Variants in NRXN3 observed in about 807,000 individuals in gnomAD.
NRXN3 encodes the protein neurexin III.
A neutral mutation model predicts 137.6 loss-of-function variants in NRXN3; 32 were observed. That is an observed-to-expected ratio of 0.23 (90% CI 0.18 to 0.31). NRXN3 has a LOEUF of 0.31. NRXN3 is among the 10% of genes least tolerant of loss of function. The pLI is 1.00. For missense variants in NRXN3, 1,574 were observed against 2,062.5 expected (o/e 0.76, Z 4.59); for synonymous variants, 798 against 784.5 (o/e 1.02, Z -0.29).
At chr14:79,118,271 CA>C (rs559724826) in intron 15 of NRXN3, among the ~76,000 whole-genome samples, 271 of 152,154 alleles carry the variant, frequency 1.8e-3, no homozygotes, top group Non-Finnish European at 2.6e-3. Flanking sequence ...AGTTTGCTCA[CA>C]AAAGCTTCAG....
At chr14:79,782,953 A>T (rs2099118472) in intron 19 of NRXN3, among the ~76,000 whole-genome samples, 1 of 152,184 alleles carries the variant, frequency 6.6e-6, no homozygotes, top group Non-Finnish European at 1.5e-5. Context: ...TGTCCCCCTT[A>T]AATCTCTATG....
chr14:78,668,527 A>T (rs1327528521), intron 6 of NRXN3, among the ~76,000 whole-genome samples: 1 of 152,128 alleles, frequency 6.6e-6, no homozygotes, highest in East Asian at 1.9e-4. Flanking sequence ...GGAGGGGAGT[A>T]AAGGGATATT....
At chr14:78,421,541 C>T (rs370938446) in intron 4 of NRXN3, among the ~76,000 whole-genome samples, 1 of 152,002 alleles carries the variant, frequency 6.6e-6, no homozygotes, top group East Asian at 1.9e-4. Context: ...AAAATGGAGA[C>T]TATTTCTTTC....
At chr14:79,267,299 C>T (rs114108261) in intron 15 of NRXN3, among the ~76,000 whole-genome samples, 1,892 of 151,660 alleles carry the variant, frequency 0.012, 12 homozygotes, top group African/African-American at 0.022. Flanking sequence ...TTTCTAAACA[C>T]GCATAAATTT....
intron 16 of NRXN3, among the ~76,000 whole-genome samples, chr14:79,557,346 C>T (rs2097440602): frequency 6.6e-6 from 1 of 152,044 alleles, no homozygotes; most frequent in Admixed American, 6.6e-5. Flanking sequence ...AGTTCTCAGA[C>T]TCATTGGTTC....
rs192146647 is a variant in NRXN3, at chr14:79,220,151, T to C, written c.3262+232010T>C. 6.0e-3 allele frequency among the ~76,000 whole-genome samples: 921 copies of C among 152,320 alleles called. 9 individuals are homozygous for C. The highest frequency in any genetic ancestry group is 0.021 in the African/African-American group (862 of 41,582). ...TTAGTTTCACATCTGTAAACTGAGA[T>C]TAAGATCTGCTTTTCTGTTTAAAGA... is the stretch of plus-strand genomic sequence containing the variant. On this transcript the variant is annotated intron_variant, in intron 15 of 20. Transcript: ENST00000335750.
intron 15 of NRXN3, among the ~76,000 whole-genome samples, chr14:79,430,939 A>G (rs925177656): frequency 2.6e-5 from 4 of 152,108 alleles, no homozygotes; most frequent in Admixed American, 2.0e-4. Context: ...TTACAAACAC[A>G]TATTACCTTT....
chr14:79,513,774 G>T (rs985475848), intron 16 of NRXN3, among the ~76,000 whole-genome samples: 10 of 152,160 alleles, frequency 6.6e-5, no homozygotes, highest in Admixed American at 2.0e-4. Flanking sequence ...TAACGACTCT[G>T]CTGATAACAT....
At chr14:78,627,506 A>G (rs2097477567) in intron 4 of NRXN3, among the ~76,000 whole-genome samples, 1 of 152,226 alleles carries the variant, frequency 6.6e-6, no homozygotes, top group African/African-American at 2.4e-5. Context: ...GCCCAGTGCC[A>G]GCTCCAGTGA....
intron 16 of NRXN3, among the ~76,000 whole-genome samples, chr14:79,623,849 G>GTTTTTTTTTTTTTTTTTTTTTT (rs571687023): frequency 1.0e-5 from 1 of 98,026 alleles, no homozygotes; most frequent in African/African-American, 3.9e-5. Flanking sequence ...CTTAGCTCCT[G>GTTTTTTTTTTTTTTTTTTTTTT]TTTTTTTTTT....
chr14:79,127,145 A>G (rs1451940165), intron 15 of NRXN3, among the ~76,000 whole-genome samples: 1 of 151,930 alleles, frequency 6.6e-6, no homozygotes, highest in Non-Finnish European at 1.5e-5. Flanking sequence ...CTCTGATCGT[A>G]GTTTCTTTTG....
At chr14:79,768,154 G>T (rs1190485156) in intron 19 of NRXN3, among the ~76,000 whole-genome samples, 1 of 152,226 alleles carries the variant, frequency 6.6e-6, no homozygotes, top group African/African-American at 2.4e-5. Flanking sequence ...TGCTAGCACA[G>T]CAGTCTGAGA....
intron 4 of NRXN3, among the ~76,000 whole-genome samples, chr14:78,397,149 T>C (rs1184138570): frequency 6.6e-6 from 1 of 152,256 alleles, no homozygotes; most frequent in Non-Finnish European, 1.5e-5. Context: ...GATTTAAACA[T>C]TTTATTTAAC....
At chr14:78,817,199 A>G (rs780620178) in intron 10 of NRXN3, among the ~76,000 whole-genome samples, 3 of 152,226 alleles carry the variant, frequency 2.0e-5, no homozygotes, top group Non-Finnish European at 4.4e-5. Flanking sequence ...ACACTTGTCT[A>G]TGCCACAAAT....
chr14:79,860,423 A>G (rs1303441634), intron 20 of NRXN3, among the ~76,000 whole-genome samples: 2 of 152,254 alleles, frequency 1.3e-5, no homozygotes, highest in Non-Finnish European at 2.9e-5. Context: ...GATTTGTTAG[A>G]TGAATATTTT....
At chr14:78,620,556 C>A (rs914976608) in intron 4 of NRXN3, among the ~76,000 whole-genome samples, 15 of 152,102 alleles carry the variant, frequency 9.9e-5, no homozygotes, top group African/African-American at 2.9e-4. Context: ...AACAGGCAGA[C>A]CCTCACCCAG....
At position 78,721,500 on chromosome 14, in the gene NRXN3, G is replaced by A. The variant is rs114272976; in HGVS notation, c.2044+6361G>A. On this transcript the variant is annotated intron_variant, in intron 8 of 20. Coordinates refer to ENST00000335750, the MANE Select transcript of NRXN3 (RefSeq NM_001330195.2). ...CTCTTATCCCAAGGAGAGAGAGAAA[G>A]GTGAATGAAGGGCAGCAATGTGAGT... Among the ~76,000 whole-genome samples the A allele has an allele frequency of 8.1e-3, 1,226 of 152,234 alleles. 17 individuals carry two copies. Among genetic ancestry groups the A allele is most frequent in the African/African-American group, 0.028 (1,157 of 41,540 alleles).
intron 15 of NRXN3, among the ~76,000 whole-genome samples, chr14:79,273,558 C>T (rs1430083846): frequency 1.3e-5 from 2 of 151,722 alleles, no homozygotes; most frequent in African/African-American, 2.4e-5. Flanking sequence ...GGCATGAACC[C>T]AGGAGGCGCA....
At chr14:78,209,721 A>C (rs1167008449) in intron 1 of NRXN3, among the ~76,000 whole-genome samples, 1 of 152,156 alleles carries the variant, frequency 6.6e-6, no homozygotes, top group Non-Finnish European at 1.5e-5. Flanking sequence ...TGTGGAGATT[A>C]TGGGGATTAT....
Sources: gnomAD v4.1 joint callset for allele counts (sites outside exome capture counted in the v4.1 genomes callset) on GRCh38, gnomAD v4.1.1 for gene constraint, MANE v1.5 for transcripts, NCBI Gene and HGNC (gene_info 2026-07-23, HGNC 2026-07-21) for gene names.